CACNA2D1: variants seen among roughly 807,000 people sequenced by gnomAD.
CACNA2D1 encodes the protein voltage-dependent calcium channel subunit alpha-2/delta-1.
Under a neutral mutation model 171.5 loss-of-function variants are expected in CACNA2D1, and 53 were observed. That is an observed-to-expected ratio of 0.31 (90% confidence interval 0.25 to 0.39). The LOEUF (loss-of-function observed/expected upper bound fraction) is 0.39, where lower values mean the gene tolerates loss of function less well. CACNA2D1 is among the 10% of genes least tolerant of loss of function. CACNA2D1 has a pLI of 1.00. For synonymous variants in CACNA2D1, 442 were observed against 443.1 expected (o/e 1.00, Z 0.03); for missense variants, 903 against 1,299.8 (o/e 0.69, Z 4.69).
chr7:81,959,427 G>C, intron 37 of CACNA2D1, 70 bp from the exon 38 acceptor site: 1 of 1,055,396 alleles, frequency 9.5e-7, no homozygotes. Context: ...ACAATGCAAT[G>C]TATTTCCCAA....
chr7:82,119,990 T>C (rs1789521536), intron 5 of CACNA2D1, among the ~76,000 whole-genome samples: 1 of 152,174 alleles, frequency 6.6e-6, no homozygotes, highest in Admixed American at 6.5e-5. Flanking sequence ...AAGAACATCC[T>C]GGACAACATA....
At chr7:82,341,908 G>T (rs1585572262) in intron 2 of CACNA2D1, among the ~76,000 whole-genome samples, 1 of 150,378 alleles carries the variant, frequency 6.6e-6, no homozygotes. Flanking sequence ...AAAAAAATTA[G>T]CCAGGCGTGG....
intron 4 of CACNA2D1, among the ~76,000 whole-genome samples, chr7:82,151,656 G>C (rs1310027578): frequency 6.6e-6 from 1 of 152,064 alleles, no homozygotes; most frequent in Non-Finnish European, 1.5e-5. Flanking sequence ...TCACTTCGGT[G>C]GAGAGCAAAA....
At chr7:82,064,274 T>A in intron 9 of CACNA2D1, 30 bp downstream of exon 9, 1 of 1,438,372 alleles carries the variant, frequency 7.0e-7, no homozygotes, top group Non-Finnish European at 9.8e-7. Flanking sequence ...ATATTCTCAA[T>A]ATATAAATAA....
rs150744288 is a variant in CACNA2D1 at position 82,381,595 on chromosome 7, A to C, written c.96-31946T>G. 2.5e-3 allele frequency among the ~76,000 whole-genome samples: 378 copies of C among 152,314 alleles called. 3 individuals are homozygous for C. Among genetic ancestry groups the C allele is most frequent in the African/African-American group, 8.6e-3 (358 of 41,578 alleles). ...TTTACCCTTACCTCTTATGGGAGGA[A>C]GTTTACAAAATTCAATCCTGCAGTT... On this transcript the variant is annotated intron_variant, in intron 1 of 38. Coordinates refer to ENST00000356860, the MANE Select transcript of CACNA2D1 (RefSeq NM_000722.4).
intron 12 of CACNA2D1, among the ~76,000 whole-genome samples, chr7:82,030,509 T>G (rs573464818): frequency 3.3e-5 from 5 of 151,726 alleles, no homozygotes; most frequent in Admixed American, 1.3e-4. Context: ...ACCTTTATAC[T>G]CTTTTAAAAT....
intron 3 of CACNA2D1, among the ~76,000 whole-genome samples, chr7:82,333,850 G>T (rs1817674508): frequency 6.6e-6 from 1 of 152,046 alleles, no homozygotes; most frequent in Non-Finnish European, 1.5e-5. Flanking sequence ...AAATGCAAAA[G>T]ACAAAGCTTA....
chr7:82,374,270 C>T (rs1822756013), intron 1 of CACNA2D1, among the ~76,000 whole-genome samples: 1 of 152,124 alleles, frequency 6.6e-6, no homozygotes. Context: ...ACCATCTCCC[C>T]CTCCTCCAAC....
In CACNA2D1 at chr7:82,123,111, A is replaced by C. The variant is rs150771022; in HGVS notation, c.397-5938T>G. Reference sequence around the variant, plus strand: ...AAAGGAGCATGTGCCCAAGTGTGTAAAGCATTAAAAATATATCAGGACAGG... The same window carrying C: ...AAAGGAGCATGTGCCCAAGTGTGTACAGCATTAAAAATATATCAGGACAGG... On this transcript the variant is annotated intron_variant, in intron 5 of 38. Transcript: ENST00000356860. Among the ~76,000 whole-genome samples the C allele has an allele frequency of 9.2e-5, 14 of 152,332 alleles. No homozygotes were observed. The East Asian group carries it at 2.5e-3, about 27-fold the overall frequency.
intron 3 of CACNA2D1, among the ~76,000 whole-genome samples, chr7:82,185,546 AGGGGGAGGAGGG>A (rs1563172790): frequency 1.7e-3 from 9 of 5,170 alleles, no homozygotes; most frequent in South Asian, 9.6e-3. Context: ...GAGGAAGGGG[AGGGGGAGGAGGG>A]GGAGGGGGAG....
At chr7:82,232,937 G>T (rs986411215) in intron 3 of CACNA2D1, among the ~76,000 whole-genome samples, 1 of 144,946 alleles carries the variant, frequency 6.9e-6, no homozygotes, top group East Asian at 2.1e-4. Flanking sequence ...CACAGATCAG[G>T]TTGTTTCTAC....
intron 3 of CACNA2D1, 23 bp downstream of exon 3, chr7:82,335,112 G>A: frequency 3.7e-6 from 5 of 1,351,220 alleles, no homozygotes; most frequent in Non-Finnish European, 4.3e-6. Context: ...ATAATAAAAT[G>A]AGCAGATCCA....
chr7:82,070,227 C>T (rs1365008245), intron 7 of CACNA2D1, among the ~76,000 whole-genome samples: 1 of 152,076 alleles, frequency 6.6e-6, no homozygotes, highest in Non-Finnish European at 1.5e-5. Context: ...GTGGATTATA[C>T]CCACACAAAG....
At chr7:82,294,249 T>C (rs930500670) in intron 3 of CACNA2D1, among the ~76,000 whole-genome samples, 3 of 152,128 alleles carry the variant, frequency 2.0e-5, no homozygotes, top group African/African-American at 7.2e-5. Flanking sequence ...GTACTTAAAA[T>C]TGACAGTAAA....
chr7:82,415,098 C>T (rs1450497961), intron 1 of CACNA2D1, among the ~76,000 whole-genome samples: 2 of 152,072 alleles, frequency 1.3e-5, no homozygotes, highest in Non-Finnish European at 2.9e-5. Context: ...TCCTATTCAC[C>T]CATTACACAT....
intron 3 of CACNA2D1, among the ~76,000 whole-genome samples, chr7:82,316,707 C>T (rs1815164846): frequency 1.3e-5 from 2 of 152,148 alleles, no homozygotes; most frequent in Admixed American, 1.3e-4. Flanking sequence ...AATGGACTCA[C>T]AGTTCCACCT....
intron 1 of CACNA2D1, among the ~76,000 whole-genome samples, chr7:82,404,194 G>C (rs1826766368): frequency 6.6e-6 from 1 of 152,112 alleles, no homozygotes; most frequent in Non-Finnish European, 1.5e-5. Flanking sequence ...GGAAACTCTG[G>C]AGCCAAAAGA....
chr7:82,114,905 T>C lies in CACNA2D1; in HGVS notation c.526+2139A>G, dbSNP rs551955647. Reference sequence around the variant, plus strand: ...CAGTCTTCTACGTAAATACATGTTGTAAACAAAATGTTCATAGAGCAAAGC... The same window carrying C: ...CAGTCTTCTACGTAAATACATGTTGCAAACAAAATGTTCATAGAGCAAAGC... On this transcript the variant is annotated intron_variant, in intron 6 of 38. Coordinates refer to ENST00000356860, the MANE Select transcript of CACNA2D1 (RefSeq NM_000722.4). 7.7e-4 allele frequency among the ~76,000 whole-genome samples: 117 copies of C among 152,290 alleles called. 1 individual carries two copies. Among genetic ancestry groups the C allele is most frequent in the African/African-American group, 2.7e-3 (113 of 41,562 alleles).
chr7:82,230,881 A>C (rs996836691), intron 3 of CACNA2D1, among the ~76,000 whole-genome samples: 2 of 152,166 alleles, frequency 1.3e-5, no homozygotes, highest in Admixed American at 6.5e-5. Flanking sequence ...GGAAGGCTTG[A>C]ACTAAGCATG....
Sources: gnomAD v4.1 joint callset for allele counts (sites outside exome capture counted in the v4.1 genomes callset) on GRCh38, gnomAD v4.1.1 for gene constraint, MANE v1.5 for transcripts, NCBI Gene and HGNC (gene_info 2026-07-23, HGNC 2026-07-21) for gene names.